The following ENTREP2 variants were observed in gnomAD, a reference collection of about 807,000 sequenced individuals.
ENTREP2 encodes protein ENTREP2.
chr15:29,664,028 C>CAA, the ENTREP2 span, among the ~76,000 whole-genome samples: 187 of 100,896 alleles, frequency 1.9e-3, 1 homozygote, highest in African/African-American at 5.3e-3. Context: ...AACTCCATCT[C>CAA]AAAAAAAAAA....
chr15:29,640,311 G>A, the ENTREP2 span, among the ~76,000 whole-genome samples: 1 of 151,958 alleles, frequency 6.6e-6, no homozygotes, highest in East Asian at 1.9e-4. Flanking sequence ...CTGATTCTAG[G>A]GAAACATAGA....
At chr15:29,582,734 C>T in the ENTREP2 span, among the ~76,000 whole-genome samples, 2 of 152,204 alleles carry the variant, frequency 1.3e-5, no homozygotes, top group South Asian at 4.2e-4. Context: ...TCACTGCAAC[C>T]TCTGCCTCCC....
the ENTREP2 span, among the ~76,000 whole-genome samples, chr15:29,142,757 A>C: frequency 6.6e-6 from 1 of 152,218 alleles, no homozygotes; most frequent in African/African-American, 2.4e-5. Flanking sequence ...TGCCTAATGG[A>C]GATACATGTC....
chr15:29,424,311 G>A, the ENTREP2 span, among the ~76,000 whole-genome samples: 47 of 152,214 alleles, frequency 3.1e-4, 1 homozygote, highest in African/African-American at 1.1e-3. Context: ...CCCACATCCT[G>A]CTGATTGGTC....
At chr15:29,466,518 AG>A in the ENTREP2 span, among the ~76,000 whole-genome samples, 1 of 142,020 alleles carries the variant, frequency 7.0e-6, no homozygotes, top group African/African-American at 2.7e-5. Flanking sequence ...GGAAGAGCCG[AG>A]GAGAGGACGC....
At chr15:29,598,918 G>C in the ENTREP2 span, among the ~76,000 whole-genome samples, 1 of 152,060 alleles carries the variant, frequency 6.6e-6, no homozygotes, top group Admixed American at 6.6e-5. Flanking sequence ...GGATGGTCTC[G>C]GTCTCCTGAC....
chr15:29,673,367 C>T, the ENTREP2 span, among the ~76,000 whole-genome samples: 1 of 152,126 alleles, frequency 6.6e-6, no homozygotes, highest in South Asian at 2.1e-4. Context: ...AGGTCTCAGC[C>T]TTATTTCACC....
chr15:29,555,386 A>C, the ENTREP2 span, among the ~76,000 whole-genome samples: 1 of 152,224 alleles, frequency 6.6e-6, no homozygotes, highest in African/African-American at 2.4e-5. Context: ...AGACCGGACA[A>C]GGTTGGTTTT....
the ENTREP2 span, among the ~76,000 whole-genome samples, chr15:29,159,720 T>TCA: frequency 1.3e-5 from 2 of 152,108 alleles, no homozygotes; most frequent in Non-Finnish European, 2.9e-5. Flanking sequence ...ATTGGTGCAT[T>TCA]CACAAACCCT....
At chr15:29,355,305 C>T in the ENTREP2 span, among the ~76,000 whole-genome samples, 1 of 152,108 alleles carries the variant, frequency 6.6e-6, no homozygotes, top group Non-Finnish European at 1.5e-5. Context: ...TGCTGGGATA[C>T]TGAGTATGAA....
At chr15:29,451,991 C>G in the ENTREP2 span, among the ~76,000 whole-genome samples, 1 of 152,120 alleles carries the variant, frequency 6.6e-6, no homozygotes, top group Non-Finnish European at 1.5e-5. Context: ...GTTTTAAAAC[C>G]TTTTTCCTGA....
At chr15:29,610,687 G>A in the ENTREP2 span, 3 of 150,154 alleles carry the variant, frequency 2.0e-5, no homozygotes, top group Non-Finnish European at 4.4e-5. Flanking sequence ...ATCTCCATTT[G>A]GCCATAACAT....
At chr15:29,556,846 C>T in the ENTREP2 span, among the ~76,000 whole-genome samples, 1 of 151,588 alleles carries the variant, frequency 6.6e-6, no homozygotes, top group Non-Finnish European at 1.5e-5. Context: ...TCTCATCACC[C>T]ACCGCCAGTG....
At chr15:29,206,666 T>A in the ENTREP2 span, among the ~76,000 whole-genome samples, 1 of 152,052 alleles carries the variant, frequency 6.6e-6, no homozygotes, top group African/African-American at 2.4e-5. Context: ...GGGTGCGACA[T>A]AAAGGGTATG....
chr15:29,242,486 C>T, the ENTREP2 span, among the ~76,000 whole-genome samples: 2 of 152,142 alleles, frequency 1.3e-5, no homozygotes, highest in Non-Finnish European at 1.5e-5. Flanking sequence ...CATAATGAGG[C>T]ATTTTAAGGG....
At chr15:29,554,914 G>T in the ENTREP2 span, among the ~76,000 whole-genome samples, 1 of 152,198 alleles carries the variant, frequency 6.6e-6, no homozygotes, top group African/African-American at 2.4e-5. Context: ...ATACTTCCAA[G>T]TATGTTATGA....
At chr15:29,568,301 G>A in the ENTREP2 span, among the ~76,000 whole-genome samples, 6 of 152,194 alleles carry the variant, frequency 3.9e-5, no homozygotes, top group Non-Finnish European at 8.8e-5. Flanking sequence ...AATGTAAGCA[G>A]AGTGTGCTGT....
At chr15:29,291,386 A>G in the ENTREP2 span, among the ~76,000 whole-genome samples, 7 of 152,226 alleles carry the variant, frequency 4.6e-5, no homozygotes, top group African/African-American at 1.7e-4. Flanking sequence ...TACTGGGGTC[A>G]GATGGACAGT....
the ENTREP2 span, among the ~76,000 whole-genome samples, chr15:29,147,264 T>C: frequency 6.6e-6 from 1 of 152,214 alleles, no homozygotes; most frequent in East Asian, 1.9e-4. Context: ...AGGGAAAATA[T>C]ACAAATAGCC....
Sources: allele counts gnomAD v4.1 joint callset (sites outside exome capture counted in the v4.1 genomes callset), GRCh38; gene constraint gnomAD v4.1.1; transcripts MANE v1.5; gene names NCBI Gene and HGNC (gene_info 2026-07-23, HGNC 2026-07-21).